The following AMPH variants were observed in gnomAD, a reference collection of about 807,000 sequenced individuals.
AMPH encodes the protein amphiphysin.
Under a neutral mutation model 99.1 loss-of-function variants are expected in AMPH, and 49 were observed. That is an observed-to-expected ratio of 0.49 (90% confidence interval 0.39 to 0.63). The LOEUF is 0.63. Among genes scored for constraint, AMPH ranks in the 20% least tolerant of loss-of-function variants. AMPH has a pLI of 0.00. For synonymous variants in AMPH, 314 were observed against 317.3 expected (o/e 0.99, Z 0.11); for missense variants, 759 against 863.4 (o/e 0.88, Z 1.52).
intron 11 of AMPH, among the ~76,000 whole-genome samples, chr7:38,447,609 C>G (rs1786838619): frequency 6.6e-6 from 1 of 152,080 alleles, no homozygotes; most frequent in Non-Finnish European, 1.5e-5. Flanking sequence ...CCAGAGCACA[C>G]ACACAACACA....
intron 1 of AMPH, among the ~76,000 whole-genome samples, chr7:38,555,726 T>C (rs1791338753): frequency 6.6e-6 from 1 of 152,226 alleles, no homozygotes; most frequent in South Asian, 2.1e-4. Context: ...CTGAAGGCTA[T>C]GAGCAAGTAT....
intron 11 of AMPH, among the ~76,000 whole-genome samples, chr7:38,441,766 A>ATC (rs1328912939): frequency 2.9e-5 from 3 of 104,480 alleles, no homozygotes; most frequent in African/African-American, 1.4e-4. Flanking sequence ...TATATCATAT[A>ATC]TATGATATAT....
intron 5 of AMPH, among the ~76,000 whole-genome samples, chr7:38,486,436 G>T (rs1277683386): frequency 6.6e-6 from 1 of 151,732 alleles, no homozygotes; most frequent in Non-Finnish European, 1.5e-5. Context: ...AGATTTAATA[G>T]GCAACCAAAT....
intron 19 of AMPH, among the ~76,000 whole-genome samples, chr7:38,391,486 AG>A (rs1784491568): frequency 6.6e-6 from 1 of 152,104 alleles, no homozygotes; most frequent in African/African-American, 2.4e-5. Context: ...GAGAGGAGGG[AG>A]GGCTGGAAAA....
In AMPH at chr7:38,588,180, C is replaced by T. The variant is rs187053350; in HGVS notation, c.69+43103G>A. Among the ~76,000 whole-genome samples the T allele has an allele frequency of 1.4e-4, 21 of 152,128 alleles. No homozygotes were observed. The East Asian group carries it at 4.1e-3, about 29-fold the overall frequency. On this transcript the variant is annotated intron_variant, in intron 1 of 20. Transcript: ENST00000356264. Reference sequence around the variant, plus strand: ...TGTTGTCCAGGCTGGTCTCAAACTTCTGAGCTCAAGTGATCAGCTGTCTCG... The same window carrying T: ...TGTTGTCCAGGCTGGTCTCAAACTTTTGAGCTCAAGTGATCAGCTGTCTCG...
intron 11 of AMPH, among the ~76,000 whole-genome samples, chr7:38,439,301 T>C (rs1022077874): frequency 3.9e-5 from 6 of 152,228 alleles, no homozygotes; most frequent in African/African-American, 7.2e-5. Flanking sequence ...ATATGTAAAA[T>C]TACTGTCATC....
intron 2 of AMPH, among the ~76,000 whole-genome samples, chr7:38,515,372 T>C (rs1311054188): frequency 1.3e-5 from 2 of 152,182 alleles, no homozygotes; most frequent in Non-Finnish European, 2.9e-5. Context: ...TAATAGTGAC[T>C]TCTCATGAGA....
At chr7:38,631,075 T>C (rs1480503489) in intron 1 of AMPH, among the ~76,000 whole-genome samples, 9 of 151,874 alleles carry the variant, frequency 5.9e-5, no homozygotes, top group Middle Eastern at 3.4e-3. Flanking sequence ...CGGCGCTGCG[T>C]CCTCCCGACC....
At chr7:38,495,840 A>G (rs1188251956) in intron 3 of AMPH, among the ~76,000 whole-genome samples, 1 of 152,202 alleles carries the variant, frequency 6.6e-6, no homozygotes. Flanking sequence ...TGAGCACAAC[A>G]TGGTGACATA....
chr7:38,552,679 C>A (rs535068351), intron 1 of AMPH, among the ~76,000 whole-genome samples: 129 of 152,240 alleles, frequency 8.5e-4, no homozygotes, highest in African/African-American at 3.0e-3. Context: ...CACACATCAG[C>A]ACCATTAATT....
chr7:38,411,018 T>C (rs576799971), intron 17 of AMPH, among the ~76,000 whole-genome samples: 22 of 152,356 alleles, frequency 1.4e-4, no homozygotes, highest in African/African-American at 5.1e-4. Context: ...AATATATTTT[T>C]ATAAAACCTC....
intron 16 of AMPH, among the ~76,000 whole-genome samples, chr7:38,420,562 G>C (rs76276334): frequency 2.6e-3 from 403 of 152,312 alleles, no homozygotes; most frequent in Non-Finnish European, 4.4e-3. Flanking sequence ...TAACTCTGAG[G>C]ACCATAAACC....
At chr7:38,509,006 A>G (rs1426066355) in intron 2 of AMPH, among the ~76,000 whole-genome samples, 1 of 152,158 alleles carries the variant, frequency 6.6e-6, no homozygotes, top group African/African-American at 2.4e-5. Flanking sequence ...TAAGAAATAG[A>G]GCTCTCCCTA....
intron 1 of AMPH, among the ~76,000 whole-genome samples, chr7:38,567,387 A>G (rs1791783516): frequency 6.6e-6 from 1 of 152,130 alleles, no homozygotes; most frequent in African/African-American, 2.4e-5. Context: ...AGGGCCTGTC[A>G]GGGGTTGGGG....
intron 11 of AMPH, among the ~76,000 whole-genome samples, chr7:38,455,366 C>T (rs1220951033): frequency 2.0e-5 from 3 of 152,180 alleles, no homozygotes; most frequent in East Asian, 3.8e-4. Flanking sequence ...CCACTGCGCC[C>T]AGCCTACAAT....
At chr7:38,395,579 C>T (rs1056165878) in intron 17 of AMPH, among the ~76,000 whole-genome samples, 1 of 152,148 alleles carries the variant, frequency 6.6e-6, no homozygotes, top group African/African-American at 2.4e-5. Flanking sequence ...GAGAGGTTCA[C>T]GTGAGAAAGA....
chr7:38,414,568 T>C (rs935551271), intron 17 of AMPH, among the ~76,000 whole-genome samples: 2 of 152,192 alleles, frequency 1.3e-5, no homozygotes, highest in African/African-American at 2.4e-5. Flanking sequence ...TAATTAATTG[T>C]AACCAAATAA....
At chr7:38,480,409 T>C (rs952398457) in intron 5 of AMPH, among the ~76,000 whole-genome samples, 1 of 152,066 alleles carries the variant, frequency 6.6e-6, no homozygotes, top group African/African-American at 2.4e-5. Context: ...GCTCACCTCA[T>C]CCAATCTCAT....
chr7:38,554,506 A>G (rs554626653), intron 1 of AMPH, among the ~76,000 whole-genome samples: 1 of 152,370 alleles, frequency 6.6e-6, no homozygotes, highest in South Asian at 2.1e-4. Flanking sequence ...AATCAAAGAT[A>G]TGCCCAAAGA....
Sources: gnomAD v4.1 joint callset for allele counts (sites outside exome capture counted in the v4.1 genomes callset) on GRCh38, gnomAD v4.1.1 for gene constraint, MANE v1.5 for transcripts, NCBI Gene and HGNC (gene_info 2026-07-23, HGNC 2026-07-21) for gene names.